ANKS1B: variants seen among roughly 807,000 people sequenced by gnomAD.
The protein encoded by ANKS1B is ankyrin repeat and sterile alpha motif domain-containing protein 1B.
In ANKS1B, 36 loss-of-function variants were observed where a neutral mutation model predicts 148.3. The observed-to-expected ratio is 0.24, with a 90% CI of 0.19 to 0.32. ANKS1B has a LOEUF of 0.32. Ranked by LOEUF, ANKS1B falls within the 10% of genes least tolerant of loss-of-function variation. The pLI, the probability that ANKS1B is intolerant of heterozygous loss-of-function variation, is 1.00. For synonymous variants in ANKS1B, 542 were observed against 560.8 expected (o/e 0.97, Z 0.47); for missense variants, 1,157 against 1,542.6 (o/e 0.75, Z 4.19).
At chr12:99,537,331 C>A (rs2097080502) in intron 9 of ANKS1B, among the ~76,000 whole-genome samples, 1 of 152,042 alleles carries the variant, frequency 6.6e-6, no homozygotes, top group Non-Finnish European at 1.5e-5. Context: ...TTTTGAGGAA[C>A]CTCCATATTA....
intron 17 of ANKS1B, among the ~76,000 whole-genome samples, chr12:98,869,285 G>A (rs1047546214): frequency 4.6e-5 from 7 of 152,256 alleles, no homozygotes; most frequent in African/African-American, 1.7e-4. Flanking sequence ...CCAAGGCCTG[G>A]GATGAAGTTT....
intron 11 of ANKS1B, among the ~76,000 whole-genome samples, chr12:99,426,535 T>C (rs548211427): frequency 6.6e-6 from 1 of 152,318 alleles, no homozygotes; most frequent in Non-Finnish European, 1.5e-5. Context: ...ATTTAGCATA[T>C]ATTTATTGTC....
At chr12:98,850,619 C>T (rs1228179823) in intron 17 of ANKS1B, among the ~76,000 whole-genome samples, 2 of 151,818 alleles carry the variant, frequency 1.3e-5, no homozygotes, top group South Asian at 2.1e-4. Flanking sequence ...TGGCACACGC[C>T]GCCACGCTCA....
chr12:98,947,550 A>T (rs2099847311), intron 17 of ANKS1B, among the ~76,000 whole-genome samples: 1 of 152,002 alleles, frequency 6.6e-6, no homozygotes, highest in East Asian at 1.9e-4. Context: ...CAACTCATGA[A>T]TGTTACATAC....
chr12:99,767,245 A>C (rs2062735795), intron 8 of ANKS1B, among the ~76,000 whole-genome samples: 1 of 152,140 alleles, frequency 6.6e-6, no homozygotes, highest in Non-Finnish European at 1.5e-5. Flanking sequence ...GTTGCTGAAC[A>C]AAATTGCACA....
intron 15 of ANKS1B, among the ~76,000 whole-genome samples, chr12:99,129,951 T>C (rs2065629560): frequency 6.6e-6 from 1 of 152,226 alleles, no homozygotes; most frequent in Non-Finnish European, 1.5e-5. Context: ...TCTTTCTGTA[T>C]TTATTATTTG....
intron 10 of ANKS1B, among the ~76,000 whole-genome samples, chr12:99,453,761 T>C (rs2095798808): frequency 6.6e-6 from 1 of 152,228 alleles, no homozygotes; most frequent in South Asian, 2.1e-4. Flanking sequence ...GGCCAACATG[T>C]TTGTGCTACA....
intron 1 of ANKS1B, among the ~76,000 whole-genome samples, chr12:99,871,715 G>A (rs2091539250): frequency 6.6e-6 from 1 of 152,016 alleles, no homozygotes; most frequent in African/African-American, 2.4e-5. Flanking sequence ...CCTTCAGCTT[G>A]TACATTATTG....
intron 9 of ANKS1B, among the ~76,000 whole-genome samples, chr12:99,623,211 A>G (rs547140722): frequency 3.3e-5 from 5 of 151,952 alleles, no homozygotes; most frequent in African/African-American, 1.2e-4. Context: ...TCTCTTCATG[A>G]TTAAAAAAAA....
intron 17 of ANKS1B, among the ~76,000 whole-genome samples, chr12:98,916,241 C>T (rs1175490796): frequency 6.6e-6 from 1 of 152,216 alleles, no homozygotes; most frequent in Non-Finnish European, 1.5e-5. Context: ...TTAGAACAGA[C>T]AATTGGCTAA....
At chr12:99,464,836 G>A (rs1449103177) in intron 10 of ANKS1B, among the ~76,000 whole-genome samples, 8 of 152,146 alleles carry the variant, frequency 5.3e-5, no homozygotes, top group East Asian at 3.8e-4. Flanking sequence ...TGAAAGTGAC[G>A]GGGAGAATGG....
chr12:99,683,245 CAAG>C (rs2098631493), intron 8 of ANKS1B, among the ~76,000 whole-genome samples: 1 of 151,470 alleles, frequency 6.6e-6, no homozygotes, highest in African/African-American at 2.4e-5. Flanking sequence ...CGAGATTAAC[CAAG>C]AAAAGAGAGA....
chr12:99,747,568 A>G (rs1041034596), intron 8 of ANKS1B, among the ~76,000 whole-genome samples: 3 of 152,142 alleles, frequency 2.0e-5, no homozygotes, highest in Non-Finnish European at 4.4e-5. Context: ...CCTATAAAAT[A>G]TCTTTCATAC....
chr12:99,582,556 T>C (rs1327115407), intron 9 of ANKS1B, among the ~76,000 whole-genome samples: 1 of 152,186 alleles, frequency 6.6e-6, no homozygotes, highest in South Asian at 2.1e-4. Flanking sequence ...CTGAAAACAT[T>C]ATGCTATGTG....
chr12:99,792,343 A>G (rs2065759039), intron 4 of ANKS1B, among the ~76,000 whole-genome samples: 1 of 151,918 alleles, frequency 6.6e-6, no homozygotes. Flanking sequence ...TCCTATTCAA[A>G]CTGTTCTGAA....
At chr12:99,331,946 A>G (rs941243746) in intron 12 of ANKS1B, among the ~76,000 whole-genome samples, 1 of 152,026 alleles carries the variant, frequency 6.6e-6, no homozygotes, top group Non-Finnish European at 1.5e-5. Flanking sequence ...AAAGGCAGTA[A>G]AGATTAAATA....
chr12:99,260,552 C>T (rs927336996), intron 12 of ANKS1B, among the ~76,000 whole-genome samples: 119 of 151,980 alleles, frequency 7.8e-4, no homozygotes, highest in Non-Finnish European at 8.8e-4. Flanking sequence ...TATACAGAAA[C>T]GTTAAAGATA....
At chr12:99,766,069 T>C (rs1202219185) in intron 8 of ANKS1B, among the ~76,000 whole-genome samples, 1 of 152,192 alleles carries the variant, frequency 6.6e-6, no homozygotes, top group Admixed American at 6.5e-5. Flanking sequence ...CACTTTGGTC[T>C]CTGGAATTCA....
chr12:99,504,096 CTAAG>C (rs1448749765), intron 10 of ANKS1B, among the ~76,000 whole-genome samples: 2 of 152,074 alleles, frequency 1.3e-5, no homozygotes, highest in Non-Finnish European at 2.9e-5. Context: ...TATAAAGCAG[CTAAG>C]TAAGATTTGA....
Sources: allele counts gnomAD v4.1 joint callset (sites outside exome capture counted in the v4.1 genomes callset), GRCh38; gene constraint gnomAD v4.1.1; transcripts MANE v1.5; gene names NCBI Gene and HGNC (gene_info 2026-07-23, HGNC 2026-07-21).